The following STK3 variants were observed in gnomAD, a reference collection of about 807,000 sequenced individuals.
STK3 encodes serine/threonine-protein kinase 3.
STK3 carries 41 observed loss-of-function variants against 58.0 expected under a neutral mutation model. The observed-to-expected ratio is 0.71, with a 90% CI of 0.55 to 0.92. STK3 has a LOEUF of 0.92. STK3 is among the 40% of genes least tolerant of loss of function. The pLI is 0.00. For synonymous variants in STK3, 170 were observed against 191.0 expected, an observed-to-expected ratio of 0.89 and a Z score of 0.91; for missense variants, 479 against 602.7, an observed-to-expected ratio of 0.79 and a Z score of 2.15.
At chr8:98,551,176 G>T (rs1328296725) in intron 8 of STK3, among the ~76,000 whole-genome samples, 4 of 152,090 alleles carry the variant, frequency 2.6e-5, no homozygotes, top group Non-Finnish European at 4.4e-5. Context: ...CCTAGTTTCA[G>T]ATCAAGTATC....
intron 3 of STK3, among the ~76,000 whole-genome samples, chr8:98,402,400 C>T (rs939413908): frequency 6.6e-6 from 1 of 152,200 alleles, no homozygotes; most frequent in African/African-American, 2.4e-5. Context: ...TTCAGAGAGT[C>T]CAAGGGATCG....
chr8:98,585,598 T>C (rs1765522247), intron 7 of STK3, among the ~76,000 whole-genome samples: 1 of 149,572 alleles, frequency 6.7e-6, no homozygotes, highest in Non-Finnish European at 1.5e-5. Flanking sequence ...TGGTTCCATA[T>C]GAACTTTAAA....
intron 10 of STK3, among the ~76,000 whole-genome samples, chr8:98,504,217 C>CT (rs559437474): frequency 0.017 from 2,637 of 151,942 alleles, 29 homozygotes; most frequent in Non-Finnish European, 0.026. Flanking sequence ...GCAACCCCTG[C>CT]TTTTTTTTGC....
Position 98,799,263 on chromosome 8 carries a change from G to A in STK3, c.27-24444C>T, listed in dbSNP as rs116618440. ...ATGCAGTGCAAAAACCCAAAGTGAC[G>A]GCAGTCTTACATTGCCAAAGCCATC... On this transcript the variant is annotated intron_variant, in intron 1 of 10. Transcript: ENST00000419617. Among the ~76,000 whole-genome samples, 137 of 152,006 alleles carry A rather than the reference G, an allele frequency of 9.0e-4. 1 individual carries two copies. Among genetic ancestry groups the A allele is most frequent in the African/African-American group, 3.0e-3 (125 of 41,466 alleles).
intron 9 of STK3, among the ~76,000 whole-genome samples, chr8:98,535,235 A>G (rs1809657316): frequency 6.6e-6 from 1 of 152,214 alleles, no homozygotes; most frequent in Non-Finnish European, 1.5e-5. Flanking sequence ...TAATGAAAAG[A>G]AAGGTTTCAC....
chr8:98,556,121 A>G (rs182512163), intron 8 of STK3, among the ~76,000 whole-genome samples: 2 of 152,080 alleles, frequency 1.3e-5, no homozygotes, highest in Admixed American at 1.3e-4. Flanking sequence ...AAGCCTCCCT[A>G]AGGTAGGGGA....
intron 1 of STK3, among the ~76,000 whole-genome samples, chr8:98,795,737 C>T (rs1248729969): frequency 1.3e-5 from 2 of 152,028 alleles, no homozygotes; most frequent in Non-Finnish European, 2.9e-5. Flanking sequence ...TTTCTATACA[C>T]CAGTAACGTT....
At chr8:98,614,113 TAAC>T (rs1017823863) in intron 6 of STK3, among the ~76,000 whole-genome samples, 2 of 152,108 alleles carry the variant, frequency 1.3e-5, no homozygotes, top group Non-Finnish European at 2.9e-5. Context: ...CAATATCCTC[TAAC>T]AACAAGAGAT....
chr8:98,389,933 A>G (rs529294933), upstream of STK3, among the ~76,000 whole-genome samples: 4 of 152,034 alleles, frequency 2.6e-5, no homozygotes, highest in South Asian at 6.3e-4. Flanking sequence ...TGAGCAGAGG[A>G]GGGATGTGAT....
chr8:98,913,680 A>G (rs2131987534), intron 1 of STK3, among the ~76,000 whole-genome samples: 1 of 152,388 alleles, frequency 6.6e-6, no homozygotes, highest in Non-Finnish European at 1.5e-5. Context: ...TCAGGTATTA[A>G]ACTGAATCCC....
In STK3 at chr8:98,706,571, G is replaced by C; in HGVS notation, c.580C>G (p.Gln194Glu). 4 of 1,613,612 alleles carry C rather than the reference G, an allele frequency of 2.5e-6. No individual in the cohort carries two copies. The highest frequency in any genetic ancestry group is 1.7e-5 in the Admixed American group (1 of 59,960). The change falls in exon 6 of 11, where the codon CAA becomes GAA. Residue 194 changes from glutamine (Q) to glutamate (E), a missense_variant. Around this residue, in one of 3 missense-constraint regions of STK3, gnomAD observed 126 missense variants for 210.1 expected, o/e 0.60. Coordinates refer to ENST00000419617, the MANE Select transcript of STK3 (RefSeq NM_006281.4). ...TPFWMAPEVI[Q>E]EIGYNCVADI... is the part of the protein sequence containing the mutation. ...GCCACACAGTTATAGCCTATTTCTT[G>C]AATCACCTCAGGAGCCATCCAAAAT...
At chr8:98,659,318 C>G (rs1193346911) in intron 6 of STK3, among the ~76,000 whole-genome samples, 1 of 151,918 alleles carries the variant, frequency 6.6e-6, no homozygotes, top group Non-Finnish European at 1.5e-5. Flanking sequence ...TCTCTCAGCA[C>G]CAAATTTCTT....
chr8:98,914,543 C>G (rs1177410800), intron 1 of STK3, among the ~76,000 whole-genome samples: 1 of 151,854 alleles, frequency 6.6e-6, no homozygotes, highest in African/African-American at 2.4e-5. Context: ...GAAATTATTT[C>G]AGTTGTTTGT....
intron 1 of STK3, among the ~76,000 whole-genome samples, chr8:98,894,902 TA>T: frequency 6.6e-6 from 1 of 152,324 alleles, no homozygotes; most frequent in South Asian, 2.1e-4. Flanking sequence ...AGGTGTTCAA[TA>T]AAAATCTGTT....
rs62532581 is a variant in STK3, at chr8:98,749,752, C to A, written c.237-362G>T. Reference sequence around the variant, plus strand: ...TCTTCTAAAGGATTTTGCATTCAGTCAAATATTAATCAACTCGAAAATAAT... The same window carrying A: ...TCTTCTAAAGGATTTTGCATTCAGTAAAATATTAATCAACTCGAAAATAAT... On this transcript the variant is annotated intron_variant, in intron 3 of 10. Transcript: ENST00000419617. Among the ~76,000 whole-genome samples the A allele has an allele frequency of 3.3e-3, 504 of 152,116 alleles. 1 individual carries two copies. Among genetic ancestry groups the A allele is most frequent in the Non-Finnish European group, 5.2e-3 (355 of 67,928 alleles).
At chr8:98,362,687 T>C in the STK3 span, among the ~76,000 whole-genome samples, 1 of 152,280 alleles carries the variant, frequency 6.6e-6, no homozygotes, top group Admixed American at 6.5e-5. Flanking sequence ...CTCAAACAAA[T>C]TCCTGCAGCA....
At chr8:98,930,733 A>G (rs1352522936) in intron 1 of STK3, among the ~76,000 whole-genome samples, 1 of 152,242 alleles carries the variant, frequency 6.6e-6, no homozygotes, top group African/African-American at 2.4e-5. Flanking sequence ...GTTGTCTTCT[A>G]GAATTTGAAG....
intron 6 of STK3, among the ~76,000 whole-genome samples, chr8:98,654,950 C>T (rs552485679): frequency 1.7e-3 from 253 of 152,160 alleles, no homozygotes; most frequent in African/African-American, 5.8e-3. Flanking sequence ...CATCAAGCTA[C>T]CAGTGACTTT....
chr8:98,778,610 GC>G (rs1284076198), intron 1 of STK3, among the ~76,000 whole-genome samples: 1 of 152,124 alleles, frequency 6.6e-6, no homozygotes, highest in African/African-American at 2.4e-5. Context: ...ATTCACAATA[GC>G]AAAGACTTGG....
Sources: gnomAD v4.1 joint callset for allele counts (sites outside exome capture counted in the v4.1 genomes callset) on GRCh38, gnomAD v4.1.1 for gene constraint, gnomAD v4.1.1 regional missense constraint, MANE v1.5 for transcripts, NCBI Gene and HGNC (gene_info 2026-07-23, HGNC 2026-07-21) for gene names.